The following CSTPP1 variants were observed in gnomAD, a reference collection of about 807,000 sequenced individuals.
CSTPP1 encodes the protein centriolar satellite-associated tubulin polyglutamylase complex regulator 1.
chr11:47,001,860 G>T, the CSTPP1 span, among the ~76,000 whole-genome samples: 1 of 152,140 alleles, frequency 6.6e-6, no homozygotes, highest in African/African-American at 2.4e-5. Flanking sequence ...AGGAGCAGGT[G>T]TGAGGCAACA....
the CSTPP1 span, among the ~76,000 whole-genome samples, chr11:47,090,274 T>C: frequency 6.6e-6 from 1 of 152,106 alleles, no homozygotes; most frequent in Non-Finnish European, 1.5e-5. Flanking sequence ...CGTGAGCCAC[T>C]GCACCTGGCA....
the CSTPP1 span, among the ~76,000 whole-genome samples, chr11:46,952,865 G>A: frequency 6.6e-6 from 1 of 152,252 alleles, no homozygotes; most frequent in East Asian, 1.9e-4. Flanking sequence ...CTGGGCGTTG[G>A]AGGTAACTTT....
At chr11:47,055,833 G>T in the CSTPP1 span, among the ~76,000 whole-genome samples, 1 of 152,180 alleles carries the variant, frequency 6.6e-6, no homozygotes, top group Non-Finnish European at 1.5e-5. Flanking sequence ...ACTGAGGATC[G>T]TATCATTTCC....
At chr11:47,017,097 C>T in the CSTPP1 span, among the ~76,000 whole-genome samples, 10 of 151,046 alleles carry the variant, frequency 6.6e-5, no homozygotes, top group South Asian at 1.0e-3. Context: ...ATGATCTGCC[C>T]GCCTCAGCCT....
chr11:47,011,916 G>C, the CSTPP1 span, among the ~76,000 whole-genome samples: 3 of 152,074 alleles, frequency 2.0e-5, no homozygotes, highest in African/African-American at 4.8e-5. Context: ...CTGCACCCTA[G>C]ACATGTAATA....
the CSTPP1 span, among the ~76,000 whole-genome samples, chr11:47,122,287 T>G: frequency 1.3e-5 from 2 of 151,332 alleles, no homozygotes; most frequent in Non-Finnish European, 2.9e-5. Flanking sequence ...GGCATTATAA[T>G]AAGATCCAAA....
At chr11:47,163,977 T>A in the CSTPP1 span, 1 of 1,217,306 alleles carries the variant, frequency 8.2e-7, no homozygotes, top group Non-Finnish European at 1.1e-6. Context: ...CTGAAACCCA[T>A]CCCCAGTCAA....
At chr11:47,080,966 A>T in the CSTPP1 span, among the ~76,000 whole-genome samples, 106 of 150,578 alleles carry the variant, frequency 7.0e-4, 3 homozygotes, top group Middle Eastern at 3.2e-3. Context: ...CCAAGATCAG[A>T]CCACTGCACT....
chr11:47,146,291 G>A, the CSTPP1 span, among the ~76,000 whole-genome samples: 5 of 151,642 alleles, frequency 3.3e-5, no homozygotes, highest in African/African-American at 1.2e-4. Context: ...CTTGAACCCG[G>A]GAGGTGGAGA....
At chr11:47,003,276 A>C in the CSTPP1 span, among the ~76,000 whole-genome samples, 1 of 152,242 alleles carries the variant, frequency 6.6e-6, no homozygotes, top group African/African-American at 2.4e-5. Context: ...CCATTGGCAC[A>C]GGCTTGGCAC....
chr11:47,095,333 C>G, the CSTPP1 span, among the ~76,000 whole-genome samples: 3 of 152,184 alleles, frequency 2.0e-5, no homozygotes, highest in Non-Finnish European at 4.4e-5. Flanking sequence ...CCAGTTCCTA[C>G]AGGTTTCCTT....
the CSTPP1 span, among the ~76,000 whole-genome samples, chr11:46,981,730 G>A: frequency 0.014 from 2,186 of 152,056 alleles, 50 homozygotes; most frequent in African/African-American, 0.05. Flanking sequence ...TTTAGACTTT[G>A]GGCAGGTTTC....
At chr11:46,955,954 T>C in the CSTPP1 span, among the ~76,000 whole-genome samples, 1 of 141,464 alleles carries the variant, frequency 7.1e-6, no homozygotes, top group Non-Finnish European at 1.5e-5. Flanking sequence ...GCCACTGCAC[T>C]CCAGCCTGGG....
the CSTPP1 span, among the ~76,000 whole-genome samples, chr11:47,150,204 T>C: frequency 6.6e-6 from 1 of 152,166 alleles, no homozygotes; most frequent in Admixed American, 6.5e-5. Context: ...GAATGACAGC[T>C]CTTTTGCTCC....
the CSTPP1 span, chr11:47,157,291 C>T: frequency 1.5e-4 from 227 of 1,468,570 alleles, 2 homozygotes; most frequent in East Asian, 5.2e-3. Flanking sequence ...AACAGAGCTC[C>T]GCAGGATGTT....
At chr11:47,157,116 ACCG>A in the CSTPP1 span, 2 of 1,614,138 alleles carry the variant, frequency 1.2e-6, no homozygotes, top group Non-Finnish European at 1.7e-6. Flanking sequence ...AGTGGGCAGC[ACCG>A]CCAACGACCT....
the CSTPP1 span, chr11:46,987,397 A>G: frequency 2.7e-6 from 3 of 1,117,302 alleles, no homozygotes; most frequent in African/African-American, 3.1e-5. Flanking sequence ...GAGCAGGACA[A>G]TGCTGATTAG....
the CSTPP1 span, among the ~76,000 whole-genome samples, chr11:46,963,116 T>C: frequency 6.6e-6 from 1 of 151,472 alleles, no homozygotes. Context: ...ATTTTTTTTT[T>C]CTTGCCTAAT....
chr11:47,145,197 A>G, the CSTPP1 span, among the ~76,000 whole-genome samples: 4 of 151,938 alleles, frequency 2.6e-5, no homozygotes, highest in African/African-American at 4.8e-5. Flanking sequence ...ACTGTTGGCC[A>G]GGATGGTCCC....
Sources: gnomAD v4.1 joint callset for allele counts (sites outside exome capture counted in the v4.1 genomes callset) on GRCh38, gnomAD v4.1.1 for gene constraint, MANE v1.5 for transcripts, NCBI Gene and HGNC (gene_info 2026-07-23, HGNC 2026-07-21) for gene names.